Variants in SYNE1 observed in about 807,000 individuals in gnomAD.
SYNE1 encodes the protein spectrin repeat containing nuclear envelope protein 1, also known as nesprin-1.
Under a neutral mutation model 1,111.0 loss-of-function variants are expected in SYNE1, and 616 were observed. The observed-to-expected ratio is 0.55, with a 90% CI of 0.52 to 0.59. SYNE1 has a LOEUF of 0.59. SYNE1 is among the 20% of genes least tolerant of loss of function. The pLI is 0.00. For synonymous variants in SYNE1, 3,855 were observed against 3,825.8 expected (o/e 1.01, Z -0.28); for missense variants, 10,006 against 10,417.0 (o/e 0.96, Z 1.72).
chr6:152,518,242 G>A (rs2099122259), intron 6 of SYNE1, among the ~76,000 whole-genome samples: 1 of 150,380 alleles, frequency 6.6e-6, no homozygotes, highest in African/African-American at 2.5e-5. Flanking sequence ...AGGTGATATA[G>A]TTTGTATACA....
chr6:152,266,874 T>C (rs2092752666), intron 100 of SYNE1, among the ~76,000 whole-genome samples: 1 of 152,190 alleles, frequency 6.6e-6, no homozygotes. Context: ...TGACGTCATA[T>C]GTCAGCACTG....
chr6:152,420,180 AC>A (rs2098233844), intron 39 of SYNE1, among the ~76,000 whole-genome samples: 1 of 152,134 alleles, frequency 6.6e-6, no homozygotes, highest in Non-Finnish European at 1.5e-5. Flanking sequence ...TTATTATTTT[AC>A]TTTTATTCTT....
chr6:152,262,856 G>A (rs187339452), intron 100 of SYNE1, among the ~76,000 whole-genome samples: 3,538 of 149,140 alleles, frequency 0.024, 155 homozygotes, highest in African/African-American at 0.084. Flanking sequence ...GGACCCTGAG[G>A]AGGAATAATA....
At chr6:152,409,806 T>C (rs2097985151) in intron 42 of SYNE1, 97 bp from the exon 43 acceptor site, 4 of 1,297,346 alleles carry the variant, frequency 3.1e-6, no homozygotes, top group Non-Finnish European at 2.2e-6. Context: ...CGTAAAGGTA[T>C]TAATACTCAT....
chr6:152,506,144 T>C (rs1205865964), intron 8 of SYNE1, among the ~76,000 whole-genome samples: 2 of 152,212 alleles, frequency 1.3e-5, no homozygotes, highest in African/African-American at 2.4e-5. Context: ...ATTAAGAAAC[T>C]GAATCAAGTT....
chr6:152,176,810 C>A (rs182987677), intron 129 of SYNE1, among the ~76,000 whole-genome samples: 110 of 151,942 alleles, frequency 7.2e-4, no homozygotes, highest in African/African-American at 2.6e-3. Flanking sequence ...TTCCTATTTA[C>A]TTGAAATACA....
chr6:152,391,936 A>G (rs1275783285), intron 51 of SYNE1, among the ~76,000 whole-genome samples: 2 of 152,198 alleles, frequency 1.3e-5, no homozygotes, highest in Non-Finnish European at 2.9e-5. Context: ...CAGATGAGGA[A>G]AAGCTCCCTG....
At chr6:152,257,156 C>A (rs898385315) in intron 101 of SYNE1, among the ~76,000 whole-genome samples, 1 of 152,064 alleles carries the variant, frequency 6.6e-6, no homozygotes, top group Non-Finnish European at 1.5e-5. Context: ...TGCTAATTAC[C>A]CTGACTTGAA....
rs2077294638 is a variant in SYNE1, at chr6:152,210,268, T to A, written c.22589+1226A>T. 2.0e-5 allele frequency among the ~76,000 whole-genome samples: 3 copies of A among 152,194 alleles called. No individual in the cohort carries two copies. The South Asian group carries it at 6.2e-4, about 32-fold the overall frequency. ...TCTTTGGTGTATTTTCCCTAAATGT[T>A]AGTATTGAAAAGTTAATAGATGCTG... On this transcript the variant is annotated intron_variant, in intron 124 of 145. Transcript: ENST00000367255.
Position 152,376,515 on chromosome 6 carries a change from T to G in SYNE1, c.9190A>C (p.Ile3064Leu). 6.2e-7 allele frequency: 1 copy of G among 1,614,130 alleles called. No individual in the cohort carries two copies. Among genetic ancestry groups the G allele is most frequent in the Non-Finnish European group, 8.5e-7 (1 of 1,180,032 alleles). ...GCCTTTCGAAATCTTTGCTGTAAAA[T>G]CTGTTCTTTATTCTGGCAGCCCTTG... Reference protein sequence around the residue: ...ASKGCQNKEQILQQRFRKAFR... With the variant: ...ASKGCQNKEQLLQQRFRKAFR... Residue 3064 changes from isoleucine (I) to leucine (L), a missense_variant, in exon 58 of 146, where the codon ATT (isoleucine) becomes CTT (leucine). By Grantham distance (5) the Ile-to-Leu change is conservative (BLOSUM62 2). Coordinates refer to ENST00000367255, the MANE Select transcript of SYNE1 (RefSeq NM_182961.4).
At chr6:152,539,858 G>T in intron 4 of SYNE1, 102 bp downstream of exon 4, 2 of 1,263,042 alleles carry the variant, frequency 1.6e-6, no homozygotes, top group Non-Finnish European at 2.3e-6. Context: ...TCATTGATTC[G>T]CAACAGTGAC....
At position 152,344,197 on chromosome 6, in the gene SYNE1, T is replaced by C; in HGVS notation, c.12109A>G (p.Lys4037Glu). ...AGGGTGTCTTGTCGGCTGACGTGCTTCTGAAGTTCGTGTTCCAAACTCTGG... is the reference window on the plus strand; with the variant it reads ...AGGGTGTCTTGTCGGCTGACGTGCTCCTGAAGTTCGTGTTCCAAACTCTGG... Reference protein sequence around the residue: ...MYQSLEHELQKHVSRQDTLQQ... With the variant: ...MYQSLEHELQEHVSRQDTLQQ... Residue 4037 changes from lysine (K) to glutamate (E), a missense_variant, in exon 74 of 146, where the codon AAG becomes GAG. Coordinates refer to ENST00000367255, the MANE Select transcript of SYNE1 (RefSeq NM_182961.4). 3.1e-6 allele frequency: 5 copies of C among 1,614,232 alleles called. No individual in the cohort carries two copies. The highest frequency in any genetic ancestry group is 4.2e-6 in the Non-Finnish European group (5 of 1,180,048).
chr6:152,573,143 C>G (rs1412769851), intron 3 of SYNE1, among the ~76,000 whole-genome samples: 4 of 152,016 alleles, frequency 2.6e-5, no homozygotes, highest in Admixed American at 6.6e-5. Flanking sequence ...CTGGGCATTA[C>G]CTACTTGAGG....
At position 152,329,858 on chromosome 6, in the gene SYNE1, C is replaced by A. The variant is rs781130894; in HGVS notation, c.14827G>T (p.Ala4943Ser). The part of the protein sequence containing the change: ...EVQSSLRIMN[A>S]LSHKEKEKFT... ...TTCTCCTTTTCCTTGTGACTCAGCG[C>A]ATTCATGATTCTCAAGCTGGACTGG... Residue 4943 changes from alanine (A) to serine (S), a missense_variant, in exon 78 of 146, where the codon GCG becomes TCG. This residue lies in a region of SYNE1 where 4,955 missense variants were observed against 5,017.2 expected (regional missense o/e 0.99). Transcript: ENST00000367255. The A allele has an allele frequency of 6.2e-7, 1 of 1,614,194 alleles. No individual in the cohort carries two copies. The highest frequency in any genetic ancestry group is 8.5e-7 in the Non-Finnish European group (1 of 1,180,050).
chr6:152,347,967 A>C (rs1428446305), intron 72 of SYNE1, among the ~76,000 whole-genome samples: 1 of 151,792 alleles, frequency 6.6e-6, no homozygotes, highest in East Asian at 1.9e-4. Flanking sequence ...TTGGATTACA[A>C]GTGTGAGCCA....
intron 130 of SYNE1, 28 bp from the exon 131 acceptor site, chr6:152,164,353 A>G (rs1321063342): frequency 6.2e-7 from 1 of 1,613,426 alleles, no homozygotes; most frequent in African/African-American, 1.3e-5. Context: ...GGAATGTCCC[A>G]CTTCAGCGAG....
intron 58 of SYNE1, among the ~76,000 whole-genome samples, chr6:152,374,634 C>T (rs865928905): frequency 1.3e-5 from 2 of 152,012 alleles, no homozygotes; most frequent in African/African-American, 2.4e-5. Context: ...GTTAGCTGGG[C>T]GTGTTGACGC....
intron 2 of SYNE1, among the ~76,000 whole-genome samples, chr6:152,629,295 C>T (rs1475212619): frequency 1.3e-5 from 2 of 151,842 alleles, no homozygotes; most frequent in East Asian, 1.9e-4. Flanking sequence ...AGCTCCACTT[C>T]CCGGGTTCAA....
chr6:152,336,892 C>A lies in SYNE1; in HGVS notation c.12477G>T (p.Arg4159Ser). 1 of 1,614,042 alleles carries A rather than the reference C, an allele frequency of 6.2e-7. No homozygotes were observed. Among genetic ancestry groups the A allele is most frequent in the Non-Finnish European group, 8.5e-7 (1 of 1,180,014 alleles). ...ADQQLQNMKR[R>S]HSELELNIAQ... ...CAATGTTCAGCTCCAGCTCAGAGTG[C>A]CTCCTCTTCATGTTCTGCAGTTGCT... Residue 4159 changes from arginine to serine, a missense_variant, in exon 76 of 146, where the codon AGG becomes AGT. Around this residue, in one of 7 missense-constraint regions of SYNE1, gnomAD observed 4,955 missense variants for 5,017.2 expected, o/e 0.99. Coordinates refer to ENST00000367255, the MANE Select transcript of SYNE1 (RefSeq NM_182961.4).
Sources: allele counts gnomAD v4.1 joint callset (sites outside exome capture counted in the v4.1 genomes callset), GRCh38; gene constraint gnomAD v4.1.1; regional missense constraint gnomAD v4.1.1; transcripts MANE v1.5; gene names NCBI Gene and HGNC (gene_info 2026-07-23, HGNC 2026-07-21).